Variants in DMD observed in about 807,000 individuals in gnomAD.
The protein encoded by DMD is dystrophin.
DMD carries 63 observed loss-of-function variants against 330.1 expected under a neutral mutation model. The observed-to-expected ratio is 0.19, with a 90% CI of 0.16 to 0.24. The LOEUF is 0.24. Ranked by LOEUF, DMD falls within the 10% of genes least tolerant of loss-of-function variation. The pLI is 1.00. For synonymous variants in DMD, 1,223 were observed against 959.8 expected (o/e 1.27, Z -5.07); for missense variants, 3,344 against 2,684.1 (o/e 1.25, Z -5.43).
chrX:31,523,402 T>G (rs925084680), intron 55 of DMD, among the ~76,000 whole-genome samples: 8 of 111,262 alleles, frequency 7.2e-5, no homozygotes, highest in Non-Finnish European at 1.3e-4. Flanking sequence ...CAGTACCATT[T>G]TAAAGGAGAA....
At chrX:31,481,994 G>A (rs2068323732) in intron 57 of DMD, among the ~76,000 whole-genome samples, 1 of 110,608 alleles carries the variant, frequency 9.0e-6, no homozygotes, top group Admixed American at 9.7e-5. Flanking sequence ...CAGAAAAAAT[G>A]ATTTTTCCTA....
intron 50 of DMD, among the ~76,000 whole-genome samples, chrX:31,779,427 G>A (rs1353293340): frequency 2.7e-5 from 3 of 111,632 alleles, no homozygotes; most frequent in Non-Finnish European, 5.6e-5. Flanking sequence ...GTATTAGCTG[G>A]TTCAGATCTC....
chrX:31,658,465 A>C (rs1398163410), intron 53 of DMD, among the ~76,000 whole-genome samples: 1 of 112,231 alleles, frequency 8.9e-6, no homozygotes, highest in Non-Finnish European at 1.9e-5. Context: ...GCTCATATAT[A>C]ATTGTTGAAT....
chrX:31,933,920 T>C (rs1210019485), intron 45 of DMD, among the ~76,000 whole-genome samples: 6 of 109,779 alleles, frequency 5.5e-5, no homozygotes, highest in Admixed American at 9.8e-5. Context: ...GTACTTTAGA[T>C]GGACATTTGT....
chrX:32,721,588 A>G (rs776837911), intron 7 of DMD, among the ~76,000 whole-genome samples: 149 of 110,627 alleles, frequency 1.3e-3, no homozygotes, highest in Non-Finnish European at 2.6e-3. Context: ...AGTTCCTTAT[A>G]TATTTTGGAT....
chrX:31,597,126 G>C (rs2077146401), intron 55 of DMD, among the ~76,000 whole-genome samples: 1 of 112,237 alleles, frequency 8.9e-6, no homozygotes, highest in Admixed American at 9.5e-5. Context: ...CCTACTATTT[G>C]TTAGGCATTG....
At chrX:32,073,476 C>A (rs1044056410) in intron 44 of DMD, among the ~76,000 whole-genome samples, 51 of 111,024 alleles carry the variant, frequency 4.6e-4, no homozygotes, top group African/African-American at 1.6e-3. Flanking sequence ...CATGGAAGAA[C>A]TATTATTATT....
intron 7 of DMD, among the ~76,000 whole-genome samples, chrX:32,744,612 A>G (rs1403156595): frequency 9.0e-6 from 1 of 111,226 alleles, no homozygotes. Context: ...CTCGTTATTT[A>G]AACTGGACTT....
chrX:31,257,780 A>G (rs748322922), intron 63 of DMD, among the ~76,000 whole-genome samples: 97 of 112,066 alleles, frequency 8.7e-4, no homozygotes, highest in African/African-American at 3.1e-3. Flanking sequence ...CCCCGTCCCT[A>G]GTAAAAATAC....
At chrX:31,853,632 C>A (rs1323636906) in intron 48 of DMD, among the ~76,000 whole-genome samples, 1 of 111,152 alleles carries the variant, frequency 9.0e-6, no homozygotes, top group Non-Finnish European at 1.9e-5. Context: ...GTACTTTGAT[C>A]AACTTTCTAG....
chrX:31,888,322 G>C (rs1214499652), intron 47 of DMD, among the ~76,000 whole-genome samples: 1 of 111,240 alleles, frequency 9.0e-6, no homozygotes, highest in African/African-American at 3.3e-5. Context: ...CCGCTGCCCT[G>C]TATTGCTTCT....
chrX:32,072,471 G>A (rs1428009880), intron 44 of DMD, among the ~76,000 whole-genome samples: 1 of 110,833 alleles, frequency 9.0e-6, no homozygotes, highest in Non-Finnish European at 1.9e-5. Context: ...AAAACCCAGA[G>A]GGGCCCACAG....
At chrX:31,577,699 A>AT (rs921391892) in intron 55 of DMD, among the ~76,000 whole-genome samples, 1 of 112,023 alleles carries the variant, frequency 8.9e-6, no homozygotes, top group African/African-American at 3.2e-5. Flanking sequence ...AGTATGCTTC[A>AT]TATGTACCCA....
chrX:32,192,496 G>T (rs2096980500), intron 44 of DMD, among the ~76,000 whole-genome samples: 1 of 111,898 alleles, frequency 8.9e-6, no homozygotes, highest in Non-Finnish European at 1.9e-5. Context: ...GCTGCAGCCA[G>T]AAATTTAAGT....
intron 7 of DMD, among the ~76,000 whole-genome samples, chrX:32,765,646 C>T (rs778226380): frequency 9.0e-6 from 1 of 111,452 alleles, no homozygotes; most frequent in Non-Finnish European, 1.9e-5. Context: ...CATCTTCTCC[C>T]ATTCCGTAAG....
At chrX:32,328,750 G>T (rs1289085408) in intron 41 of DMD, among the ~76,000 whole-genome samples, 1 of 109,860 alleles carries the variant, frequency 9.1e-6, no homozygotes, top group African/African-American at 3.3e-5. Context: ...TTCTAGTAAA[G>T]GACATTGTAA....
chrX:32,574,419 T>C (rs1349722419), intron 13 of DMD, among the ~76,000 whole-genome samples: 1 of 111,953 alleles, frequency 8.9e-6, no homozygotes, highest in Non-Finnish European at 1.9e-5. Context: ...AAACTAACAA[T>C]CTCTGAGTAA....
chrX:31,551,834 A>G (rs1441847508), intron 55 of DMD, among the ~76,000 whole-genome samples: 2 of 112,342 alleles, frequency 1.8e-5, no homozygotes, highest in Admixed American at 1.9e-4. Context: ...TTGCATTTGC[A>G]GGCAAAATTG....
intron 4 of DMD, among the ~76,000 whole-genome samples, chrX:32,829,251 A>G (rs758806605): frequency 9.0e-6 from 1 of 111,522 alleles, no homozygotes; most frequent in South Asian, 3.7e-4. Context: ...CGTTAAATTC[A>G]TTTGTAAAGA....
Sources: gnomAD v4.1 joint callset for allele counts (sites outside exome capture counted in the v4.1 genomes callset) on GRCh38, gnomAD v4.1.1 for gene constraint, MANE v1.5 for transcripts, NCBI Gene and HGNC (gene_info 2026-07-23, HGNC 2026-07-21) for gene names.